Variants in RORB observed in about 807,000 individuals in gnomAD.
RORB encodes the protein nuclear receptor ROR-beta.
A neutral mutation model predicts 59.1 loss-of-function variants in RORB; 6 were observed. The observed-to-expected ratio is 0.10, with a 90% CI of 0.06 to 0.20. The LOEUF is 0.20. RORB is among the 10% of genes least tolerant of loss of function. The pLI is 1.00. For synonymous variants in RORB, 215 were observed against 204.5 expected, an observed-to-expected ratio of 1.05 and a Z score of -0.44; for missense variants, 320 against 560.5, an observed-to-expected ratio of 0.57 and a Z score of 4.33.
In RORB at chr9:74,674,374, G is replaced by A. The variant is rs565778845; in HGVS notation, c.1224+2473G>A. Among the ~76,000 whole-genome samples, 3 of 152,276 alleles carry A rather than the reference G, an allele frequency of 2.0e-5. No individual in the cohort carries two copies. The South Asian group carries it at 6.2e-4, about 32-fold the overall frequency. ...TCTCTAAAAAAATGCACATGTACCC[G>A]AAATGTTGTGTTGAATTCCAGGGGC... On this transcript the variant is annotated intron_variant, in intron 9 of 9. Transcript: ENST00000376896.
chr9:74,598,178 A>G (rs966272416), intron 1 of RORB, among the ~76,000 whole-genome samples: 1 of 152,070 alleles, frequency 6.6e-6, no homozygotes, highest in South Asian at 2.1e-4. Context: ...TCAATTGCCC[A>G]TCAACCGATT....
intron 9 of RORB, among the ~76,000 whole-genome samples, chr9:74,672,911 A>G (rs1824371898): frequency 6.6e-6 from 1 of 152,128 alleles, no homozygotes; most frequent in Admixed American, 6.5e-5. Context: ...TTTGTTTTAA[A>G]AAGGGGGATG....
At chr9:74,652,289 T>A (rs977389901) in intron 4 of RORB, among the ~76,000 whole-genome samples, 1 of 152,086 alleles carries the variant, frequency 6.6e-6, no homozygotes, top group East Asian at 1.9e-4. Context: ...GTGCCTGTAG[T>A]CCCAGCTAGT....
intron 1 of RORB, among the ~76,000 whole-genome samples, chr9:74,515,345 A>C (rs1157070110): frequency 6.6e-6 from 1 of 151,710 alleles, no homozygotes; most frequent in African/African-American, 2.4e-5. Flanking sequence ...TAAATGGCAA[A>C]ACTGGAATTC....
chr9:74,560,907 T>C (rs1460341748), intron 1 of RORB, among the ~76,000 whole-genome samples: 4 of 152,140 alleles, frequency 2.6e-5, no homozygotes, highest in African/African-American at 7.2e-5. Flanking sequence ...CTTCATTCTA[T>C]CTGAAAATAC....
intron 1 of RORB, among the ~76,000 whole-genome samples, chr9:74,595,393 G>A (rs1038856748): frequency 6.6e-6 from 1 of 152,146 alleles, no homozygotes; most frequent in African/African-American, 2.4e-5. Flanking sequence ...TTCTTTGTAT[G>A]CTGTTCAAGA....
intron 4 of RORB, among the ~76,000 whole-genome samples, chr9:74,658,004 CAAAAAAAA>C (rs60719147): frequency 7.2e-5 from 7 of 97,828 alleles, no homozygotes; most frequent in African/African-American, 1.4e-4. Flanking sequence ...GACTCGGTCT[CAAAAAAAA>C]AAAAAAAAAA....
At chr9:74,549,424 A>G (rs1213213054) in intron 1 of RORB, among the ~76,000 whole-genome samples, 1 of 145,908 alleles carries the variant, frequency 6.9e-6, no homozygotes, top group Non-Finnish European at 1.5e-5. Context: ...AGCCTGGGCA[A>G]CAGAGCAAAA....
chr9:74,624,672 T>C (rs948785910), intron 1 of RORB, among the ~76,000 whole-genome samples: 16 of 152,214 alleles, frequency 1.1e-4, no homozygotes. Context: ...TAGAGATAGA[T>C]ACTTATCAGT....
At chr9:74,661,118 G>A (rs550577604) in intron 5 of RORB, among the ~76,000 whole-genome samples, 127 of 152,232 alleles carry the variant, frequency 8.3e-4, no homozygotes, top group Non-Finnish European at 6.5e-4. Context: ...AGTTGTAATC[G>A]TCACAAACTT....
chr9:74,530,898 G>A (rs753932905), intron 1 of RORB, among the ~76,000 whole-genome samples: 1 of 151,094 alleles, frequency 6.6e-6, no homozygotes, highest in Admixed American at 6.6e-5. Context: ...GACAGGCCCC[G>A]GTGTGTGATG....
intron 1 of RORB, among the ~76,000 whole-genome samples, chr9:74,500,618 C>A (rs1324715715): frequency 6.6e-6 from 1 of 152,162 alleles, no homozygotes; most frequent in East Asian, 1.9e-4. Flanking sequence ...TGACAACTGT[C>A]CTGAATCAGG....
chr9:74,588,166 A>C (rs1822831557), intron 1 of RORB, among the ~76,000 whole-genome samples: 1 of 152,138 alleles, frequency 6.6e-6, no homozygotes, highest in South Asian at 2.1e-4. Context: ...AATTTAAACA[A>C]GCATCCTTTT....
chr9:74,550,991 A>T (rs1826599265), intron 1 of RORB, among the ~76,000 whole-genome samples: 1 of 152,218 alleles, frequency 6.6e-6, no homozygotes, highest in African/African-American at 2.4e-5. Context: ...ACTAAAATAC[A>T]TTTTAAAATT....
At chr9:74,611,254 C>T (rs2118357902) in intron 1 of RORB, among the ~76,000 whole-genome samples, 1 of 152,240 alleles carries the variant, frequency 6.6e-6, no homozygotes, top group East Asian at 1.9e-4. Context: ...AATCTACCAA[C>T]AGGACAGAAA....
At chr9:74,607,066 T>G (rs2118342017) in intron 1 of RORB, among the ~76,000 whole-genome samples, 1 of 152,262 alleles carries the variant, frequency 6.6e-6, no homozygotes, top group South Asian at 2.1e-4. Flanking sequence ...GTGCAGCAGC[T>G]TATAGCCACG....
chr9:74,658,004 CAAAAAAAAAA>C (rs60719147), intron 4 of RORB, among the ~76,000 whole-genome samples: 27,919 of 99,216 alleles, frequency 0.28, 3,088 homozygotes, highest in Admixed American at 0.36. Flanking sequence ...GACTCGGTCT[CAAAAAAAAAA>C]AAAAAAAAAA....
intron 1 of RORB, among the ~76,000 whole-genome samples, chr9:74,560,862 A>C (rs1169744075): frequency 6.6e-6 from 1 of 152,158 alleles, no homozygotes; most frequent in Non-Finnish European, 1.5e-5. Context: ...TCTCTTACAT[A>C]GTCCAGTTAC....
chr9:74,642,906 T>A, intron 4 of RORB, 91 bp downstream of exon 4: 3 of 891,536 alleles, frequency 3.4e-6, no homozygotes, highest in Non-Finnish European at 4.9e-6. Context: ...TCTTAAGACT[T>A]AAATTGAATT....
Sources: gnomAD v4.1 joint callset for allele counts (sites outside exome capture counted in the v4.1 genomes callset) on GRCh38, gnomAD v4.1.1 for gene constraint, MANE v1.5 for transcripts, NCBI Gene and HGNC (gene_info 2026-07-23, HGNC 2026-07-21) for gene names.